Variants in BCKDK observed in about 807,000 individuals in gnomAD.
The protein encoded by BCKDK is branched chain keto acid dehydrogenase kinase, also known as branched-chain alpha-ketoacid dehydrogenase kinase.
In BCKDK, 28 loss-of-function variants were observed where a neutral mutation model predicts 43.9. The observed-to-expected ratio is 0.64, with a 90% CI of 0.47 to 0.87. The LOEUF (loss-of-function observed/expected upper bound fraction) is 0.87. Among genes scored for constraint, BCKDK ranks in the 40% least tolerant of loss-of-function variants. The probability of loss-of-function intolerance (pLI) is 0.00; values close to 1 mark genes in which losing one functional copy is unlikely to be tolerated. For missense variants in BCKDK, 483 were observed against 581.4 expected (o/e 0.83, Z 1.74); for synonymous variants, 257 against 234.3 (o/e 1.10, Z -0.88).
chr16:31,112,104 C>A lies in BCKDK; in HGVS notation c.1095-17C>A. The A allele has an allele frequency of 1.2e-6, 2 of 1,606,696 alleles. No individual in the cohort carries two copies. The highest frequency in any genetic ancestry group is 1.1e-5 in the South Asian group (1 of 90,120). ...AGCCTCTGAAGCCTCCTGTCCTGTC[C>A]CCCTGCCCACCCCCAGCTTTGGCTT... is the stretch of plus-strand genomic sequence containing the variant. On this transcript the variant is annotated splice_polypyrimidine_tract_variant and intron_variant, in intron 11 of 11. Transcript: ENST00000219794. This position sits in a 1 kb window ranked among gnomAD's most constrained non-coding sequence, Gnocchi z 5.0.
Position 31,112,370 on chromosome 16 carries a change from TG to T in BCKDK, c.*108del. ...CCCTGCTCCACACACTGCTGCATCT[TG>T]GGTCTCAGGGACCCAGACAGATGGA... On this transcript the variant is annotated 3_prime_UTR_variant, in exon 12 of 12. Transcript: ENST00000219794. The surrounding 1 kb of genome is among the most constrained non-coding windows in gnomAD (Gnocchi z 5.0). 1 of 1,547,426 alleles carries T rather than the reference TG, an allele frequency of 6.5e-7. No individual in the cohort carries two copies. Among genetic ancestry groups the T allele is most frequent in the Non-Finnish European group, 8.8e-7 (1 of 1,138,344 alleles).
chr16:31,113,052 G>C (rs1329752226), downstream of BCKDK, among the ~76,000 whole-genome samples: 2 of 152,238 alleles, frequency 1.3e-5, no homozygotes, highest in Non-Finnish European at 2.9e-5. Context: ...GAAAGGTGGG[G>C]CCCTGATAGA....
rs1293757820 is a variant in BCKDK at position 31,110,947 on chromosome 16, C to T, written c.717-144C>T. 10 of 1,402,166 alleles carry T rather than the reference C, an allele frequency of 7.1e-6. No individual in the cohort carries two copies. Among genetic ancestry groups the T allele is most frequent in the Non-Finnish European group, 9.8e-6 (10 of 1,023,804 alleles). The allele number at this position is 1,402,166 out of a possible 1,614,324, so 86.9% of individuals were successfully genotyped here. ...TGCACGTTAGGAAGTTCAGCAGCAT[C>T]CCTGGCGCCAGCAGTACTGCCTAGT... is the stretch of plus-strand genomic sequence containing the variant. On this transcript the variant is annotated intron_variant, in intron 8 of 11. Coordinates refer to ENST00000219794, the MANE Select transcript of BCKDK (RefSeq NM_005881.4). This position sits in a 1 kb window ranked among gnomAD's most constrained non-coding sequence, Gnocchi z 5.4.
At position 31,112,325 on chromosome 16, in the gene BCKDK, C is replaced by T; in HGVS notation, c.*60C>T. 1 of 1,599,106 alleles carries T rather than the reference C, an allele frequency of 6.3e-7. No individual in the cohort carries two copies. The highest frequency in any genetic ancestry group is 8.5e-7 in the Non-Finnish European group (1 of 1,178,994). On this transcript the variant is annotated 3_prime_UTR_variant, in exon 12 of 12. Coordinates refer to ENST00000219794, the MANE Select transcript of BCKDK (RefSeq NM_005881.4). The surrounding 1 kb of genome is among the most constrained non-coding windows in gnomAD (Gnocchi z 5.0). ...TGGGCCGCATTCCCTGCAGGACCTC[C>T]CGGGTCAGGCAGGGCGGCCCCCTGC...
chr16:31,117,567 C>A (rs1211377334), downstream of BCKDK: 1 of 856,792 alleles, frequency 1.2e-6, no homozygotes, highest in Non-Finnish European at 1.6e-6. Context: ...CCAATCGGCT[C>A]CTGCTACATC....
downstream of BCKDK, among the ~76,000 whole-genome samples, chr16:31,114,548 G>A (rs1596813329): frequency 6.6e-6 from 1 of 151,974 alleles, no homozygotes; most frequent in South Asian, 2.1e-4. Flanking sequence ...AGACCCATCC[G>A]CAGGCCCTGA....
At position 31,110,651 on chromosome 16, in the gene BCKDK, G is replaced by C; in HGVS notation, c.643-37G>C. 2 of 1,609,192 alleles carry C rather than the reference G, an allele frequency of 1.2e-6. No homozygotes were observed. The highest frequency in any genetic ancestry group is 1.7e-6 in the Non-Finnish European group (2 of 1,175,686). ...TTGCCAGCATCTTGGGGTGGGGCTAGGGGCGTGGGTAGTCCTGACCTCCTT... is the reference window on the plus strand; with the variant it reads ...TTGCCAGCATCTTGGGGTGGGGCTACGGGCGTGGGTAGTCCTGACCTCCTT... On this transcript the variant is annotated intron_variant, in intron 7 of 11. Transcript: ENST00000219794. This position sits in a 1 kb window ranked among gnomAD's most constrained non-coding sequence, Gnocchi z 5.4.
rs2057400876 is a variant in BCKDK at position 31,110,350 on chromosome 16, G to A, written c.543+26G>A. The stretch of plus-strand genomic sequence containing the variant: ...GTTGGGGCAGCAAAGGAGAGGCCGG[G>A]CCTGCTGGGGGTGGGAAGGGCACGG... On this transcript the variant is annotated intron_variant, in intron 6 of 11. Transcript: ENST00000219794. This position sits in a 1 kb window ranked among gnomAD's most constrained non-coding sequence, Gnocchi z 5.4. The A allele has an allele frequency of 6.2e-7, 1 of 1,613,978 alleles. No homozygotes were observed.
chr16:31,113,542 G>A (rs1337477835), downstream of BCKDK, among the ~76,000 whole-genome samples: 3 of 152,162 alleles, frequency 2.0e-5, no homozygotes, highest in Admixed American at 6.5e-5. Flanking sequence ...TATGGTGGCT[G>A]CAGAGTTCAC....
In BCKDK at chr16:31,110,292, G is replaced by C. The variant is rs769754259; in HGVS notation, c.511G>C (p.Glu171Gln). 10 of 1,614,076 alleles carry C rather than the reference G, an allele frequency of 6.2e-6. No individual in the cohort carries two copies. The South Asian group carries it at 1.1e-4, about 18-fold the overall frequency. ...DHKDVVTLLA[E>Q]GLRESRKHIE... Reference sequence around the variant, plus strand: ...CAAGGATGTGGTGACCCTCTTGGCAGAGGGCCTACGTGAGAGCCGGAAGCA... The same window carrying C: ...CAAGGATGTGGTGACCCTCTTGGCACAGGGCCTACGTGAGAGCCGGAAGCA... The change falls in exon 6 of 12, where the codon GAG (glutamate) becomes CAG (glutamine). Residue 171 changes from glutamate (E) to glutamine (Q), a missense_variant. Coordinates refer to ENST00000219794, the MANE Select transcript of BCKDK (RefSeq NM_005881.4). The surrounding 1 kb of genome is among the most constrained non-coding windows in gnomAD (Gnocchi z 5.4).
intron 10 of BCKDK, 38 bp from the exon 11 acceptor site, chr16:31,111,831 A>G: frequency 6.2e-7 from 1 of 1,611,620 alleles, no homozygotes; most frequent in Non-Finnish European, 8.5e-7. Context: ...TACCCCATCA[A>G]AGCTGAGCCA....
rs553418699 is a variant in BCKDK, at chr16:31,112,403, T to C, written c.*138T>C. 1 of 1,386,228 alleles carries C rather than the reference T, an allele frequency of 7.2e-7. No individual in the cohort carries two copies. Among genetic ancestry groups the C allele is most frequent in the Admixed American group, 1.9e-5 (1 of 52,546 alleles). 85.9% of individuals were successfully genotyped at this position (1,386,228 alleles called of 1,614,324 possible). A position where few individuals can be genotyped will look rare whatever the true frequency, so the allele number is the denominator to read the frequency against. The stretch of plus-strand genomic sequence containing the variant: ...AGGGACCCAGACAGATGGACTTACA[T>C]GGAGCTGGGCACTGCCCTGCCTCAA... On this transcript the variant is annotated 3_prime_UTR_variant, in exon 12 of 12. Coordinates refer to ENST00000219794, the MANE Select transcript of BCKDK (RefSeq NM_005881.4). The surrounding 1 kb of genome is among the most constrained non-coding windows in gnomAD (Gnocchi z 5.0).
In BCKDK at chr16:31,109,983, C is replaced by T; in HGVS notation, c.376-94C>T. 3 of 1,558,638 alleles carry T rather than the reference C, an allele frequency of 1.9e-6. No individual in the cohort carries two copies. The highest frequency in any genetic ancestry group is 2.7e-6 in the Non-Finnish European group (3 of 1,130,732). On this transcript the variant is annotated intron_variant, in intron 4 of 11. Coordinates refer to ENST00000219794, the MANE Select transcript of BCKDK (RefSeq NM_005881.4). This position sits in a 1 kb window ranked among gnomAD's most constrained non-coding sequence, Gnocchi z 5.3. ...GTGGGGGTTTGATCACGTGGTCGAC[C>T]AGCTGGGTGGTGATCCCCATGGGTA...
In BCKDK at chr16:31,108,460, G is replaced by GCCCTGGCTCCGGC. The variant is rs2057382625; in HGVS notation, c.-193_-181dup. ...TTCGAGCCCTTCCGCTGGGACCCGGGCCCTGGCTCCGGCCCCGCGGTAAGT... is the reference window on the plus strand; with the variant it reads ...TTCGAGCCCTTCCGCTGGGACCCGGGCCCTGGCTCCGGCCCCTGGCTCCGGCCCCGCGGTAAGT... On this transcript the variant is annotated 5_prime_UTR_variant, in exon 1 of 12. Coordinates refer to ENST00000219794, the MANE Select transcript of BCKDK (RefSeq NM_005881.4). The surrounding 1 kb of genome is among the most constrained non-coding windows in gnomAD (Gnocchi z 6.2). The GCCCTGGCTCCGGC allele has an allele frequency of 6.6e-6, 1 of 152,242 alleles. No homozygotes were observed. Among genetic ancestry groups the GCCCTGGCTCCGGC allele is most frequent in the African/African-American group, 2.4e-5 (1 of 41,476 alleles). 9.4% of individuals were successfully genotyped at this position (152,242 alleles called of 1,614,324 possible). A position where few individuals can be genotyped will look rare whatever the true frequency, so the allele number is the denominator to read the frequency against.
chr16:31,111,980 T>A lies in BCKDK; in HGVS notation c.1047T>A (p.Phe349Leu), dbSNP rs148848087. ...AGGACCCCCGGATCAGCCCCCTCTT[T>A]GGCCATCTGGACATGCATAGTGGCG... ...STQDPRISPL[F>L]GHLDMHSGAQ... is the part of the protein sequence containing the mutation. The change falls in exon 11 of 12, where the codon TTT becomes TTA. Residue 349 changes from phenylalanine (F) to leucine (L), a missense_variant. Transcript: ENST00000219794. 1.7e-5 allele frequency: 28 copies of A among 1,614,046 alleles called. No homozygotes were observed. In the African/African-American group the frequency reaches 3.5e-4, roughly 20 times the overall value.
Position 31,109,933 on chromosome 16 carries a change from A to G in BCKDK, c.376-144A>G. On this transcript the variant is annotated intron_variant, in intron 4 of 11. Coordinates refer to ENST00000219794, the MANE Select transcript of BCKDK (RefSeq NM_005881.4). This position sits in a 1 kb window ranked among gnomAD's most constrained non-coding sequence, Gnocchi z 5.3. ...AGGCCTTCAGAAGCCAAAGGTGTGT[A>G]TTCACGGAGCCTGGAAGGGTCGAAG... is the stretch of plus-strand genomic sequence containing the variant. 7.2e-7 allele frequency: 1 copy of G among 1,385,192 alleles called. No homozygotes were observed. The highest frequency in any genetic ancestry group is 1.8e-5 in the Admixed American group (1 of 55,046). 85.8% of individuals were successfully genotyped at this position (1,385,192 alleles called of 1,614,324 possible).
chr16:31,109,305 C>CGAG lies in BCKDK; in HGVS notation c.83_84insAGG (p.Arg28_Ala29insGly). 1 of 1,606,942 alleles carries CGAG rather than the reference C, an allele frequency of 6.2e-7. No individual in the cohort carries two copies. The highest frequency in any genetic ancestry group is 8.5e-7 in the Non-Finnish European group (1 of 1,176,890). On this transcript the variant is annotated inframe_insertion, in exon 2 of 12. Coordinates refer to ENST00000219794, the MANE Select transcript of BCKDK (RefSeq NM_005881.4). The surrounding 1 kb of genome is among the most constrained non-coding windows in gnomAD (Gnocchi z 5.3). Reference sequence around the variant, plus strand: ...CCTCCTGGGACCCGCACTCGCGCTCCGGGCCCGCTCGACGTCGGCCACCGA... The same window carrying CGAG: ...CCTCCTGGGACCCGCACTCGCGCTCCGAGGGGCCCGCTCGACGTCGGCCACCGA...
chr16:31,109,365 A>C lies in BCKDK; in HGVS notation c.142A>C (p.Lys48Gln). 6.2e-7 allele frequency: 1 copy of C among 1,609,492 alleles called. No individual in the cohort carries two copies. The highest frequency in any genetic ancestry group is 8.5e-7 in the Non-Finnish European group (1 of 1,177,526). The change falls in exon 2 of 12, where the codon AAG becomes CAG. Residue 48 changes from lysine (K) to glutamine (Q), a missense_variant. By Grantham distance (53) the Lys-to-Gln change is moderately conservative. Transcript: ENST00000219794. The surrounding 1 kb of genome is among the most constrained non-coding windows in gnomAD (Gnocchi z 5.3). ...HHVEMARERS[K>Q]TVTSFYNQSA... ...CGTGGAGATGGCTCGGGAGCGCTCC[A>C]AGACCGTCACCTCCTTTTACAACCA...
At chr16:31,114,041 G>A (rs1299414285), downstream of BCKDK, among the ~76,000 whole-genome samples, 1 of 152,168 alleles carries the variant, frequency 6.6e-6, no homozygotes, top group Non-Finnish European at 1.5e-5. Flanking sequence ...AGTTGGGAAA[G>A]TGAACAGCTC....
Sources: gnomAD v4.1 joint callset for allele counts (sites outside exome capture counted in the v4.1 genomes callset) on GRCh38, gnomAD v4.1.1 for gene constraint, Gnocchi (gnomAD v3.1) non-coding constraint, MANE v1.5 for transcripts, NCBI Gene and HGNC (gene_info 2026-07-23, HGNC 2026-07-21) for gene names.